FGF2: variants seen among roughly 807,000 people sequenced by gnomAD.
FGF2 encodes basic fibroblast growth factor bFGF.
In FGF2, 13 loss-of-function variants were observed where a neutral mutation model predicts 15.9. The observed-to-expected ratio is 0.82, with a 90% CI of 0.53 to 1.30. The LOEUF (loss-of-function observed/expected upper bound fraction) is 1.30, where lower values mean the gene tolerates loss of function less well. Among genes scored for constraint, FGF2 ranks in the 50% most tolerant of loss-of-function variants. The pLI is 0.00. For synonymous variants in FGF2, 90 were observed against 78.4 expected (o/e 1.15, Z -0.78); for missense variants, 163 against 196.9 (o/e 0.83, Z 1.03).
At chr4:122,838,041 T>C (rs1725901049) in intron 1 of FGF2, among the ~76,000 whole-genome samples, 1 of 152,204 alleles carries the variant, frequency 6.6e-6, no homozygotes, top group Admixed American at 6.5e-5. Context: ...ATTGGGAAGA[T>C]AATTTTGTTA....
chr4:122,835,996 A>T (rs1725858214), intron 1 of FGF2, among the ~76,000 whole-genome samples: 1 of 152,170 alleles, frequency 6.6e-6, no homozygotes, highest in Admixed American at 6.5e-5. Flanking sequence ...ATCCTTTAAG[A>T]TCCAGCCCAA....
At chr4:122,842,659 T>C (rs982627334) in intron 1 of FGF2, among the ~76,000 whole-genome samples, 1 of 152,216 alleles carries the variant, frequency 6.6e-6, no homozygotes, top group Non-Finnish European at 1.5e-5. Flanking sequence ...GAGAAACTTC[T>C]CTGTGGTAAC....
intron 2 of FGF2, among the ~76,000 whole-genome samples, chr4:122,879,162 C>G (rs554148830): frequency 1.6e-4 from 24 of 152,316 alleles, no homozygotes; most frequent in African/African-American, 5.8e-4. Context: ...TCTGTACTTG[C>G]CTTTTATTCT....
At chr4:122,878,408 T>G (rs1337242999) in intron 2 of FGF2, among the ~76,000 whole-genome samples, 1 of 152,062 alleles carries the variant, frequency 6.6e-6, no homozygotes, top group Non-Finnish European at 1.5e-5. Context: ...AAGGTGTGGA[T>G]AAAAAATCTA....
chr4:122,878,525 A>G (rs1391717581), intron 2 of FGF2, among the ~76,000 whole-genome samples: 1 of 152,206 alleles, frequency 6.6e-6, no homozygotes, highest in Admixed American at 6.5e-5. Context: ...AGGTAGATAG[A>G]CTGTCTGCTG....
At chr4:122,887,951 G>A (rs1321661609) in intron 2 of FGF2, among the ~76,000 whole-genome samples, 3 of 152,020 alleles carry the variant, frequency 2.0e-5, no homozygotes, top group African/African-American at 7.3e-5. Flanking sequence ...CTAGTTCTGT[G>A]GTTATTAGCA....
intron 1 of FGF2, among the ~76,000 whole-genome samples, chr4:122,862,082 C>T (rs187140683): frequency 5.0e-4 from 76 of 152,246 alleles, no homozygotes; most frequent in Middle Eastern, 6.8e-3. Context: ...GCTGTATGTT[C>T]CTTAAGGCTA....
At chr4:122,874,503 C>CT (rs3840101) in intron 1 of FGF2, among the ~76,000 whole-genome samples, 9 of 151,978 alleles carry the variant, frequency 5.9e-5, no homozygotes, top group East Asian at 1.9e-4. Context: ...CTAAGATTGT[C>CT]TTTTTTTTAA....
chr4:122,861,207 C>T (rs1183013131), intron 1 of FGF2, among the ~76,000 whole-genome samples: 1 of 152,182 alleles, frequency 6.6e-6, no homozygotes, highest in Non-Finnish European at 1.5e-5. Context: ...TAGGCACAGC[C>T]TGCACTCCCA....
intron 1 of FGF2, among the ~76,000 whole-genome samples, chr4:122,866,531 T>C (rs977688308): frequency 6.6e-6 from 1 of 152,190 alleles, no homozygotes; most frequent in African/African-American, 2.4e-5. Flanking sequence ...AAGATCTAAG[T>C]AGACAGTTCT....
chr4:122,891,035 TG>T (rs200533312), intron 2 of FGF2, among the ~76,000 whole-genome samples: 6,618 of 120,602 alleles, frequency 0.055, 242 homozygotes, highest in South Asian at 0.15. Context: ...TTTTTTTTTT[TG>T]TTTTGTTTTG....
chr4:122,827,058 G>A lies in FGF2; in HGVS notation c.-117G>A, dbSNP rs1000514172. On this transcript the variant is annotated 5_prime_UTR_variant, in exon 1 of 3. Transcript: ENST00000644866. The surrounding 1 kb of genome is among the most constrained non-coding windows in gnomAD (Gnocchi z 4.2). Reference sequence around the variant, plus strand: ...CGCGCTGCCGGGCGGGAGGCTGGGGGGCCGGGGCCGGGGCCGTGCCCCGGA... The same window carrying A: ...CGCGCTGCCGGGCGGGAGGCTGGGGAGCCGGGGCCGGGGCCGTGCCCCGGA... The A allele has an allele frequency of 1.0e-5, 11 of 1,089,236 alleles. No individual in the cohort carries two copies. Among genetic ancestry groups the A allele is most frequent in the Non-Finnish European group, 1.1e-5 (10 of 898,646 alleles). The allele number at this position is 1,089,236 out of a possible 1,614,324, so 67.5% of individuals were successfully genotyped here. A position where few individuals can be genotyped will look rare whatever the true frequency, so the allele number is the denominator to read the frequency against.
intron 2 of FGF2, among the ~76,000 whole-genome samples, chr4:122,877,387 A>G (rs1165859516): frequency 4.6e-5 from 7 of 152,312 alleles, no homozygotes; most frequent in Admixed American, 2.0e-4. Context: ...TGCTGGGATT[A>G]TAGGCGTGAG....
Position 122,827,229 on chromosome 4 carries a change from G to C in FGF2, c.55G>C (p.Gly19Arg). Residue 19 changes from glycine (G) to arginine (R), a missense_variant, in exon 1 of 3, where the codon GGC (glycine) becomes CGC (arginine). By Grantham distance (125) the Gly-to-Arg change is moderately radical. Coordinates refer to ENST00000644866, the MANE Select transcript of FGF2 (RefSeq NM_001361665.2). This position sits in a 1 kb window ranked among gnomAD's most constrained non-coding sequence, Gnocchi z 4.2. The stretch of plus-strand genomic sequence containing the variant: ...CGCCTTGCCCGAGGATGGCGGCAGC[G>C]GCGCCTTCCCGCCCGGCCACTTCAA... ...LPALPEDGGS[G>R]AFPPGHFKDP... is the part of the protein sequence containing the mutation. 1 of 1,611,262 alleles carries C rather than the reference G, an allele frequency of 6.2e-7. No homozygotes were observed.
At position 122,869,536 on chromosome 4, in the gene FGF2, T is replaced by G. The variant is rs1177691366; in HGVS notation, c.179-6785T>G. Among the ~76,000 whole-genome samples, 7 of 152,334 alleles carry G rather than the reference T, an allele frequency of 4.6e-5. No individual in the cohort carries two copies. In the South Asian group the frequency reaches 1.4e-3, roughly 32 times the overall value. ...TTGAGCAGTGGTTTGTAGTTCTCCT[T>G]GAAGAGGTCCTTCACATCCCTTGTT... On this transcript the variant is annotated intron_variant, in intron 1 of 2. Coordinates refer to ENST00000644866, the MANE Select transcript of FGF2 (RefSeq NM_001361665.2).
chr4:122,866,668 G>A (rs1217558471), intron 1 of FGF2, among the ~76,000 whole-genome samples: 2 of 152,208 alleles, frequency 1.3e-5, no homozygotes, highest in Non-Finnish European at 2.9e-5. Context: ...GCCTATAATT[G>A]AGAAACAAAA....
At chr4:122,861,516 C>T (rs773218551) in intron 1 of FGF2, among the ~76,000 whole-genome samples, 4 of 151,606 alleles carry the variant, frequency 2.6e-5, no homozygotes, top group Non-Finnish European at 5.9e-5. Flanking sequence ...CCTCTTTTTA[C>T]CTCCCTCCCT....
In FGF2 at chr4:122,897,616, A is replaced by G. The variant is rs1727402789; in HGVS notation, c.*5220A>G. 6.3e-7 allele frequency: 1 copy of G among 1,585,702 alleles called. No individual in the cohort carries two copies. Among genetic ancestry groups the G allele is most frequent in the East Asian group, 2.2e-5 (1 of 44,642 alleles). On this transcript the variant is annotated 3_prime_UTR_variant, in exon 3 of 3. Transcript: ENST00000644866. ...TTTAAGCCAATTAAAAATATAAAAG[A>G]TACACACCAATATCTTCTTCAGGCT...
rs116203692 is a variant in FGF2 at position 122,843,917 on chromosome 4, G to A, written c.178+16565G>A. On this transcript the variant is annotated intron_variant, in intron 1 of 2. Coordinates refer to ENST00000644866, the MANE Select transcript of FGF2 (RefSeq NM_001361665.2). ...GCTAGTATAGGATCTTGCCTCAGTG[G>A]ATGGCTGCTGACTGATGAAAGTGGT... Among the ~76,000 whole-genome samples the A allele has an allele frequency of 5.4e-3, 823 of 152,322 alleles. 8 individuals carry two copies. Among genetic ancestry groups the A allele is most frequent in the African/African-American group, 0.019 (782 of 41,578 alleles).
Sources: allele counts gnomAD v4.1 joint callset (sites outside exome capture counted in the v4.1 genomes callset), GRCh38; gene constraint gnomAD v4.1.1; non-coding constraint Gnocchi (gnomAD v3.1); transcripts MANE v1.5; gene names NCBI Gene and HGNC (gene_info 2026-07-23, HGNC 2026-07-21).